KCNJ6: variants seen among roughly 807,000 people sequenced by gnomAD.
KCNJ6 encodes G protein-activated inward rectifier potassium channel 2.
KCNJ6 carries 9 observed loss-of-function variants against 34.2 expected under a neutral mutation model. The ratio of observed to expected loss-of-function variants is 0.26; its 90% CI spans 0.16 to 0.46. The LOEUF (loss-of-function observed/expected upper bound fraction) is 0.46. KCNJ6 is among the 20% of genes least tolerant of loss of function. KCNJ6 has a pLI of 1.00. For synonymous variants in KCNJ6, 196 were observed against 207.1 expected (o/e 0.95, Z 0.46); for missense variants, 236 against 531.3 (o/e 0.44, Z 5.46).
intron 3 of KCNJ6, among the ~76,000 whole-genome samples, chr21:37,703,985 T>C (rs1404991254): frequency 6.6e-6 from 1 of 152,272 alleles, no homozygotes; most frequent in Non-Finnish European, 1.5e-5. Context: ...CTGCTGGGCC[T>C]GGTTTGTGGG....
At chr21:37,761,368 G>T (rs2055061891) in intron 2 of KCNJ6, among the ~76,000 whole-genome samples, 1 of 151,190 alleles carries the variant, frequency 6.6e-6, no homozygotes, top group Admixed American at 6.6e-5. Context: ...TAGTGTGTGT[G>T]TATATTTGTG....
chr21:37,803,108 G>A (rs1480949906), intron 2 of KCNJ6, among the ~76,000 whole-genome samples: 2 of 152,172 alleles, frequency 1.3e-5, no homozygotes, highest in South Asian at 2.1e-4. Context: ...CAGCGAACTG[G>A]TTAAATTCTA....
intron 2 of KCNJ6, among the ~76,000 whole-genome samples, chr21:37,826,818 A>C (rs2055401208): frequency 1.3e-5 from 2 of 152,134 alleles, no homozygotes; most frequent in Admixed American, 1.3e-4. Flanking sequence ...TCCTCTTATT[A>C]AAGCCAAGGA....
chr21:37,617,900 G>A lies in KCNJ6; in HGVS notation c.*7259C>T, dbSNP rs1199753955. On this transcript the variant is annotated 3_prime_UTR_variant, in exon 4 of 4. Coordinates refer to ENST00000609713, the MANE Select transcript of KCNJ6 (RefSeq NM_002240.5). ...CCTGACCCAGGGAGGTGCTCTGTGG[G>A]GTCAAGGGTGTGGGGCAAGTTAAGC... The A allele has an allele frequency of 6.6e-6, 1 of 152,266 alleles. No homozygotes were observed. The highest frequency in any genetic ancestry group is 6.5e-5 in the Admixed American group (1 of 15,280). The allele number at this position is 152,266 out of a possible 1,614,324, so 9.4% of individuals were successfully genotyped here.
At chr21:37,759,329 C>T (rs1010383060) in intron 2 of KCNJ6, among the ~76,000 whole-genome samples, 1 of 152,168 alleles carries the variant, frequency 6.6e-6, no homozygotes, top group Admixed American at 6.5e-5. Flanking sequence ...AAATGAATGG[C>T]GGGACTGCAC....
At chr21:37,786,238 C>T (rs557058152) in intron 2 of KCNJ6, among the ~76,000 whole-genome samples, 1 of 152,188 alleles carries the variant, frequency 6.6e-6, no homozygotes, top group Non-Finnish European at 1.5e-5. Context: ...CCACTGGCTA[C>T]TTAAACTAGA....
chr21:37,640,467 G>A (rs1342496881), intron 3 of KCNJ6, among the ~76,000 whole-genome samples: 2 of 152,254 alleles, frequency 1.3e-5, no homozygotes, highest in Non-Finnish European at 2.9e-5. Context: ...CACCACTAGG[G>A]ATGCTCTTAA....
At chr21:37,712,200 G>C (rs1365118017) in intron 3 of KCNJ6, among the ~76,000 whole-genome samples, 1 of 152,174 alleles carries the variant, frequency 6.6e-6, no homozygotes, top group Non-Finnish European at 1.5e-5. Flanking sequence ...CAGAGGGTAC[G>C]TCTCCAGTGG....
intron 3 of KCNJ6, among the ~76,000 whole-genome samples, chr21:37,660,592 G>T (rs531024035): frequency 6.6e-6 from 1 of 152,188 alleles, no homozygotes; most frequent in Non-Finnish European, 1.5e-5. Context: ...ACTTGTAGAC[G>T]ATGGTAGCTC....
chr21:37,914,942 T>C (rs1360925972), intron 1 of KCNJ6, among the ~76,000 whole-genome samples: 1 of 151,858 alleles, frequency 6.6e-6, no homozygotes, highest in Non-Finnish European at 1.5e-5. Flanking sequence ...CTTCCTTTTT[T>C]TGGGGGTTGG....
chr21:37,693,343 G>A (rs535215476), intron 3 of KCNJ6, among the ~76,000 whole-genome samples: 4 of 152,196 alleles, frequency 2.6e-5, no homozygotes, highest in African/African-American at 4.8e-5. Flanking sequence ...AAATTTCTCT[G>A]TCACAAGGAG....
intron 2 of KCNJ6, among the ~76,000 whole-genome samples, chr21:37,816,517 C>T (rs1368469309): frequency 1.3e-5 from 2 of 152,220 alleles, no homozygotes; most frequent in Non-Finnish European, 2.9e-5. Context: ...CTCTCCTCCT[C>T]GCCCAATCTT....
chr21:37,615,082 A>G lies in KCNJ6; in HGVS notation c.*10077T>C, dbSNP rs1342681010. On this transcript the variant is annotated 3_prime_UTR_variant, in exon 4 of 4. Coordinates refer to ENST00000609713, the MANE Select transcript of KCNJ6 (RefSeq NM_002240.5). ...GTTGTCGAGATTGCGGAAAGTTCTCATCTACCCTCTAATGCCCCATGAGAC... is the reference window on the plus strand; with the variant it reads ...GTTGTCGAGATTGCGGAAAGTTCTCGTCTACCCTCTAATGCCCCATGAGAC... The G allele has an allele frequency of 3.3e-5, 5 of 152,130 alleles. No individual in the cohort carries two copies. Among genetic ancestry groups the G allele is most frequent in the Non-Finnish European group, 7.4e-5 (5 of 68,026 alleles). The allele number at this position is 152,130 out of a possible 1,614,324, so 9.4% of individuals were successfully genotyped here. A position where few individuals can be genotyped will look rare whatever the true frequency, so the allele number is the denominator to read the frequency against.
chr21:37,752,308 CA>C (rs1446253103), intron 2 of KCNJ6, among the ~76,000 whole-genome samples: 6 of 152,132 alleles, frequency 3.9e-5, no homozygotes, highest in African/African-American at 1.4e-4. Context: ...CAGAGGTGGA[CA>C]CCTGACCAAA....
At chr21:37,844,913 C>T (rs531728813) in intron 1 of KCNJ6, among the ~76,000 whole-genome samples, 2 of 152,214 alleles carry the variant, frequency 1.3e-5, no homozygotes, top group African/African-American at 4.8e-5. Flanking sequence ...TCAATAGCCT[C>T]ATCTGGAGGT....
intron 2 of KCNJ6, among the ~76,000 whole-genome samples, chr21:37,765,786 CTTT>C (rs2055087861): frequency 6.6e-6 from 1 of 152,192 alleles, no homozygotes; most frequent in Non-Finnish European, 1.5e-5. Flanking sequence ...TCTTCATCTT[CTTT>C]GTTTCACTAA....
In KCNJ6 at chr21:37,611,476, A is replaced by G; in HGVS notation, c.*13683T>C. On this transcript the variant is annotated 3_prime_UTR_variant, in exon 4 of 4. Coordinates refer to ENST00000609713, the MANE Select transcript of KCNJ6 (RefSeq NM_002240.5). ...TTCAAAAGCTAGAAGCAGAGAGAAC[A>G]CTTGCTAACTCATTCTATGAATCCA... 1 of 152,240 alleles carries G rather than the reference A, an allele frequency of 6.6e-6. No individual in the cohort carries two copies. The highest frequency in any genetic ancestry group is 2.1e-4 in the South Asian group (1 of 4,832). 9.4% of individuals were successfully genotyped at this position (152,240 alleles called of 1,614,324 possible).
intron 2 of KCNJ6, among the ~76,000 whole-genome samples, chr21:37,832,251 G>C (rs936325634): frequency 1.3e-5 from 2 of 151,766 alleles, no homozygotes; most frequent in Non-Finnish European, 2.9e-5. Context: ...AGTATTTAAA[G>C]TGCCTAAATT....
At chr21:37,832,369 A>C (rs565536827) in intron 2 of KCNJ6, among the ~76,000 whole-genome samples, 1 of 151,992 alleles carries the variant, frequency 6.6e-6, no homozygotes, top group East Asian at 1.9e-4. Context: ...ACCATATACG[A>C]TGAACAGCTC....
Sources: allele counts gnomAD v4.1 joint callset (sites outside exome capture counted in the v4.1 genomes callset), GRCh38; gene constraint gnomAD v4.1.1; transcripts MANE v1.5; gene names NCBI Gene and HGNC (gene_info 2026-07-23, HGNC 2026-07-21).